NSL1: variants seen among roughly 807,000 people sequenced by gnomAD.
NSL1 encodes kinetochore-associated protein NSL1 homolog.
NSL1 carries 11 observed loss-of-function variants against 25.4 expected under a neutral mutation model. The observed-to-expected ratio is 0.43, with a 90% CI of 0.27 to 0.72. The LOEUF (loss-of-function observed/expected upper bound fraction) is 0.72. Ranked by LOEUF, NSL1 falls within the 30% of genes least tolerant of loss-of-function variation. NSL1 has a pLI of 0.19. For missense variants in NSL1, 330 were observed against 342.7 expected, an observed-to-expected ratio of 0.96 and a Z score of 0.29; for synonymous variants, 118 against 120.6, an observed-to-expected ratio of 0.98 and a Z score of 0.14.
Position 212,730,532 on chromosome 1 carries a change from C to A in NSL1, c.*7876G>T, listed in dbSNP as rs1657974519. ...AAATGCCCAATCTTTTACACAGGCACAGGAGTCAGCTGGAGCAGAAGACCT... is the reference window on the plus strand; with the variant it reads ...AAATGCCCAATCTTTTACACAGGCAAAGGAGTCAGCTGGAGCAGAAGACCT... On this transcript the variant is annotated 3_prime_UTR_variant, in exon 6 of 6. Transcript: ENST00000366977. The A allele has an allele frequency of 4.1e-6, 4 of 985,008 alleles. No individual in the cohort carries two copies. The highest frequency in any genetic ancestry group is 4.8e-6 in the Non-Finnish European group (4 of 829,762). The allele number at this position is 985,008 out of a possible 1,614,324, so 61.0% of individuals were successfully genotyped here. A position where few individuals can be genotyped will look rare whatever the true frequency, so the allele number is the denominator to read the frequency against.
rs1658240916 is a variant in NSL1 at position 212,736,603 on chromosome 1, T to G, written c.*1805A>C. ...CTGTCTTTCCCAGTGGTATTTCTATTTTAAACTCTGCTATAACTATGGAGT... is the reference window on the plus strand; with the variant it reads ...CTGTCTTTCCCAGTGGTATTTCTATGTTAAACTCTGCTATAACTATGGAGT... On this transcript the variant is annotated 3_prime_UTR_variant, in exon 6 of 6. Transcript: ENST00000366977. The G allele has an allele frequency of 1.3e-5, 13 of 985,296 alleles. No individual in the cohort carries two copies. The highest frequency in any genetic ancestry group is 1.6e-5 in the Non-Finnish European group (13 of 829,890). The allele number at this position is 985,296 out of a possible 1,614,324, so 61.0% of individuals were successfully genotyped here.
At chr1:212,753,718 G>A (rs1046207114) in intron 4 of NSL1, among the ~76,000 whole-genome samples, 14 of 152,002 alleles carry the variant, frequency 9.2e-5, no homozygotes, top group Non-Finnish European at 1.8e-4. Flanking sequence ...GCTATATGCT[G>A]GCTATATATA....
chr1:212,744,863 G>A (rs959701675), intron 4 of NSL1, among the ~76,000 whole-genome samples: 2 of 152,112 alleles, frequency 1.3e-5, no homozygotes, highest in African/African-American at 2.4e-5. Flanking sequence ...ACAAGGCCAG[G>A]TGCCATAGCT....
chr1:212,771,956 T>C (rs1395260530), intron 4 of NSL1, among the ~76,000 whole-genome samples: 1 of 152,162 alleles, frequency 6.6e-6, no homozygotes, highest in African/African-American at 2.4e-5. Context: ...TGGTGGGAGA[T>C]AATTGAATCA....
At chr1:212,776,293 GC>G (rs1660363613) in intron 4 of NSL1, among the ~76,000 whole-genome samples, 1 of 151,930 alleles carries the variant, frequency 6.6e-6, no homozygotes, top group Non-Finnish European at 1.5e-5. Context: ...AACCCAGGAG[GC>G]GGACAGTGCA....
In NSL1 at chr1:212,735,561, C is replaced by A. The variant is rs891421390; in HGVS notation, c.*2847G>T. The A allele has an allele frequency of 9.1e-6, 9 of 984,860 alleles. No homozygotes were observed. Among genetic ancestry groups the A allele is most frequent in the Admixed American group, 6.1e-5 (1 of 16,264 alleles). 61.0% of individuals were successfully genotyped at this position (984,860 alleles called of 1,614,324 possible). On this transcript the variant is annotated 3_prime_UTR_variant, in exon 6 of 6. Transcript: ENST00000366977. ...ATTTTCTGTGGGCTTGTGTTATGGA[C>A]TCAATGTTTGTGTCCCCCTAAAATC...
Position 212,730,225 on chromosome 1 carries a change from G to C in NSL1, c.*8183C>G. Reference sequence around the variant, plus strand: ...AGATCGCTCCACTACACTCCAGCCTGGGTGACAGTCTCAAAAAAAAAAAAA... The same window carrying C: ...AGATCGCTCCACTACACTCCAGCCTCGGTGACAGTCTCAAAAAAAAAAAAA... On this transcript the variant is annotated 3_prime_UTR_variant, in exon 6 of 6. Coordinates refer to ENST00000366977, the MANE Select transcript of NSL1 (RefSeq NM_015471.4). 1.0e-6 allele frequency: 1 copy of C among 961,996 alleles called. No individual in the cohort carries two copies. The highest frequency in any genetic ancestry group is 1.2e-6 in the Non-Finnish European group (1 of 818,632). 59.6% of individuals were successfully genotyped at this position (961,996 alleles called of 1,614,324 possible). A position where few individuals can be genotyped will look rare whatever the true frequency, so the allele number is the denominator to read the frequency against.
At chr1:212,779,760 C>G (rs1216424963) in intron 4 of NSL1, among the ~76,000 whole-genome samples, 9 of 120,652 alleles carry the variant, frequency 7.5e-5, no homozygotes, top group African/African-American at 2.8e-4. Flanking sequence ...GCCCAGCCAG[C>G]CGCCCCGTCC....
Position 212,732,639 on chromosome 1 carries a change from T to A in NSL1, c.*5769A>T. 1 of 985,390 alleles carries A rather than the reference T, an allele frequency of 1.0e-6. No individual in the cohort carries two copies. The highest frequency in any genetic ancestry group is 4.7e-5 in the South Asian group (1 of 21,284). 61.0% of individuals were successfully genotyped at this position (985,390 alleles called of 1,614,324 possible). Reference sequence around the variant, plus strand: ...TGGTCTGCCTAGTCTCCAAATCTGCTGATTAGTTAGTAGCCTGTAGACTCG... The same window carrying A: ...TGGTCTGCCTAGTCTCCAAATCTGCAGATTAGTTAGTAGCCTGTAGACTCG... On this transcript the variant is annotated 3_prime_UTR_variant, in exon 6 of 6. Coordinates refer to ENST00000366977, the MANE Select transcript of NSL1 (RefSeq NM_015471.4).
intron 4 of NSL1, among the ~76,000 whole-genome samples, chr1:212,774,846 G>C (rs1005242963): frequency 1.3e-5 from 2 of 152,202 alleles, no homozygotes; most frequent in African/African-American, 4.8e-5. Flanking sequence ...CTGGAGAACT[G>C]GAAACATATC....
At chr1:212,740,103 T>A (rs761253884) in intron 4 of NSL1, among the ~76,000 whole-genome samples, 11 of 152,192 alleles carry the variant, frequency 7.2e-5, no homozygotes, top group Non-Finnish European at 2.9e-5. Flanking sequence ...TCTTTGCATA[T>A]TCAATGATAC....
intron 3 of NSL1, 30 bp downstream of exon 3, chr1:212,784,333 C>A: frequency 6.8e-7 from 1 of 1,469,352 alleles, no homozygotes; most frequent in Non-Finnish European, 9.4e-7. Context: ...GTAAAATATA[C>A]TATAACATTT....
Position 212,736,084 on chromosome 1 carries a change from C to T in NSL1, c.*2324G>A, listed in dbSNP as rs1454425897. 1 of 974,306 alleles carries T rather than the reference C, an allele frequency of 1.0e-6. No homozygotes were observed. Among genetic ancestry groups the T allele is most frequent in the Non-Finnish European group, 1.2e-6 (1 of 819,858 alleles). 60.4% of individuals were successfully genotyped at this position (974,306 alleles called of 1,614,324 possible). A position where few individuals can be genotyped will look rare whatever the true frequency, so the allele number is the denominator to read the frequency against. ...ACAGGGTCTCACTCTGTCACCCAGGCTGGAGTACAGTGGTGCCATCCTGGC... is the reference window on the plus strand; with the variant it reads ...ACAGGGTCTCACTCTGTCACCCAGGTTGGAGTACAGTGGTGCCATCCTGGC... On this transcript the variant is annotated 3_prime_UTR_variant, in exon 6 of 6. Coordinates refer to ENST00000366977, the MANE Select transcript of NSL1 (RefSeq NM_015471.4).
intron 3 of NSL1, among the ~76,000 whole-genome samples, chr1:212,783,203 T>G (rs569740400): frequency 6.6e-6 from 1 of 152,284 alleles, no homozygotes; most frequent in African/African-American, 2.4e-5. Flanking sequence ...ATCCTCACCT[T>G]ATCTATTTTG....
intron 4 of NSL1, among the ~76,000 whole-genome samples, chr1:212,748,718 G>A (rs1295188060): frequency 6.6e-6 from 1 of 152,168 alleles, no homozygotes; most frequent in African/African-American, 2.4e-5. Flanking sequence ...CTAAAAAGGG[G>A]TATGGGAAAC....
chr1:212,748,789 T>C (rs1658925123), intron 4 of NSL1, among the ~76,000 whole-genome samples: 1 of 152,170 alleles, frequency 6.6e-6, no homozygotes, highest in African/African-American at 2.4e-5. Flanking sequence ...AGGATAAATA[T>C]GTGCTAGTTA....
At chr1:212,750,102 C>G (rs115640768) in intron 4 of NSL1, among the ~76,000 whole-genome samples, 2,305 of 151,830 alleles carry the variant, frequency 0.015, 64 homozygotes, top group African/African-American at 0.053. Context: ...GAAACACATT[C>G]TTTTAATCTC....
intron 4 of NSL1, among the ~76,000 whole-genome samples, chr1:212,770,705 A>G (rs1024621125): frequency 6.6e-6 from 1 of 152,234 alleles, no homozygotes; most frequent in Non-Finnish European, 1.5e-5. Flanking sequence ...TGAGAACAGT[A>G]TTACCCTAAT....
rs1190491613 is a variant in NSL1 at position 212,732,132 on chromosome 1, C to CT, written c.*6275dup. 1 of 980,376 alleles carries CT rather than the reference C, an allele frequency of 1.0e-6. No homozygotes were observed. Among genetic ancestry groups the CT allele is most frequent in the Non-Finnish European group, 1.2e-6 (1 of 828,456 alleles). 60.7% of individuals were successfully genotyped at this position (980,376 alleles called of 1,614,324 possible). The stretch of plus-strand genomic sequence containing the variant: ...CTAATTTGTAACCATGATTACATTT[C>CT]TTTTTTTGTACAGCTTTCTGCCTCT... On this transcript the variant is annotated 3_prime_UTR_variant, in exon 6 of 6. Transcript: ENST00000366977.
Sources: gnomAD v4.1 joint callset for allele counts (sites outside exome capture counted in the v4.1 genomes callset) on GRCh38, gnomAD v4.1.1 for gene constraint, MANE v1.5 for transcripts, NCBI Gene and HGNC (gene_info 2026-07-23, HGNC 2026-07-21) for gene names.